Variants in SLC26A3 observed in about 807,000 individuals in gnomAD.
SLC26A3 encodes solute carrier family 26 member 3, also known as chloride anion exchanger.
A neutral mutation model predicts 85.6 loss-of-function variants in SLC26A3; 64 were observed. The observed-to-expected ratio is 0.75, with a 90% CI of 0.61 to 0.92. The LOEUF is 0.92. Among genes scored for constraint, SLC26A3 ranks in the 40% least tolerant of loss-of-function variants. The pLI, the probability that SLC26A3 is intolerant of heterozygous loss-of-function variation, is 0.00. For synonymous variants in SLC26A3, 349 were observed against 336.0 expected, an observed-to-expected ratio of 1.04 and a Z score of -0.42; for missense variants, 922 against 927.3, an observed-to-expected ratio of 0.99 and a Z score of 0.07.
chr7:107,782,612 CA>C (rs1196347373), intron 11 of SLC26A3, among the ~76,000 whole-genome samples, 184 bp downstream of exon 11: 2 of 152,168 alleles, frequency 1.3e-5, no homozygotes, highest in African/African-American at 4.8e-5. Flanking sequence ...GTGTTCCTAA[CA>C]TTCAGAACAT....
intron 1 of SLC26A3, among the ~76,000 whole-genome samples, chr7:107,802,018 G>C (rs568192991): frequency 2.3e-4 from 35 of 151,498 alleles, no homozygotes; most frequent in African/African-American, 8.5e-4. Context: ...CTTGAACCTG[G>C]GAGGCAGAGG....
intron 8 of SLC26A3, 62 bp from the exon 9 acceptor site, chr7:107,783,414 T>C: frequency 6.3e-7 from 1 of 1,584,498 alleles, no homozygotes; most frequent in South Asian, 1.1e-5. Flanking sequence ...ATATAACCAT[T>C]GGGCAAATCA....
At chr7:107,802,820 G>A (rs2115921012) in intron 1 of SLC26A3, among the ~76,000 whole-genome samples, 1 of 149,676 alleles carries the variant, frequency 6.7e-6, no homozygotes, top group African/African-American at 2.5e-5. Flanking sequence ...AGAATTAAAG[G>A]AATTATCTGA....
At chr7:107,781,846 A>G (rs1794220164) in intron 11 of SLC26A3, among the ~76,000 whole-genome samples, 1 of 152,128 alleles carries the variant, frequency 6.6e-6, no homozygotes, top group Admixed American at 6.6e-5. Context: ...TCATATCTCT[A>G]TGTCTTTTAT....
chr7:107,793,387 A>G (rs1304634377), intron 3 of SLC26A3, among the ~76,000 whole-genome samples: 1 of 152,270 alleles, frequency 6.6e-6, no homozygotes, highest in South Asian at 2.1e-4. Context: ...TGATATGTCC[A>G]TACAACAGAA....
chr7:107,791,282 C>CACAT (rs765793558), intron 4 of SLC26A3, 47 bp from the exon 5 acceptor site: 1 of 1,564,066 alleles, frequency 6.4e-7, no homozygotes, highest in South Asian at 1.1e-5. Context: ...CTCTCTAAAG[C>CACAT]ACATTGTCTT....
At chr7:107,783,440 C>G in intron 8 of SLC26A3, 88 bp from the exon 9 acceptor site, 1 of 1,464,774 alleles carries the variant, frequency 6.8e-7, no homozygotes, top group Non-Finnish European at 9.5e-7. Context: ...TGAATGCAAT[C>G]TAGGCTGAGT....
intron 3 of SLC26A3, among the ~76,000 whole-genome samples, chr7:107,792,259 T>C (rs1182903341): frequency 6.6e-6 from 1 of 152,072 alleles, no homozygotes; most frequent in African/African-American, 2.4e-5. Context: ...GAAGGGGAGA[T>C]GGTTTTGGGA....
In SLC26A3 at chr7:107,794,520, C is replaced by G; in HGVS notation, c.-11G>C. 6.2e-7 allele frequency: 1 copy of G among 1,613,886 alleles called. No individual in the cohort carries two copies. On this transcript the variant is annotated 5_prime_UTR_variant, in exon 2 of 21. Transcript: ENST00000340010. ...AAAGGGTTCAATCATTTTGATTTTTCTGTTGGCTGTGGCAAGTTGAAGACC... is the reference window on the plus strand; with the variant it reads ...AAAGGGTTCAATCATTTTGATTTTTGTGTTGGCTGTGGCAAGTTGAAGACC...
intron 11 of SLC26A3, among the ~76,000 whole-genome samples, chr7:107,780,867 T>TA (rs1794205544): frequency 6.6e-6 from 1 of 152,190 alleles, no homozygotes; most frequent in South Asian, 2.1e-4. Flanking sequence ...CATACTATAC[T>TA]AATGTATAGT....
At chr7:107,787,052 C>A in intron 7 of SLC26A3, 143 bp from the exon 8 acceptor site, 1 of 798,298 alleles carries the variant, frequency 1.3e-6, no homozygotes, top group Non-Finnish European at 2.1e-6. Flanking sequence ...TTAAGAAATT[C>A]GGAGGCAATT....
At chr7:107,784,463 T>C (rs1249496112) in intron 8 of SLC26A3, among the ~76,000 whole-genome samples, 1 of 152,164 alleles carries the variant, frequency 6.6e-6, no homozygotes, top group Admixed American at 6.5e-5. Flanking sequence ...CTCTGTTTTT[T>C]TGAGATGGGG....
chr7:107,782,826 T>C lies in SLC26A3; in HGVS notation c.1282A>G (p.Ile428Val). 1 of 1,614,132 alleles carries C rather than the reference T, an allele frequency of 6.2e-7. No individual in the cohort carries two copies. Among genetic ancestry groups the C allele is most frequent in the Non-Finnish European group, 8.5e-7 (1 of 1,179,982 alleles). ...AIIVLIVVLA[I>V]GFLLAPLQKS... ...TGTAGAGGCGCCAGGAGAAATCCAATGGCTAGAACGACAATCAGCACGATG... is the reference window on the plus strand; with the variant it reads ...TGTAGAGGCGCCAGGAGAAATCCAACGGCTAGAACGACAATCAGCACGATG... The change falls in exon 11 of 21, where the codon ATT (isoleucine) becomes GTT (valine). Residue 428 changes from isoleucine to valine, a missense_variant. Physicochemically the swap from Ile to Val is conservative, Grantham distance 29 (BLOSUM62 3). Coordinates refer to ENST00000340010, the MANE Select transcript of SLC26A3 (RefSeq NM_000111.3).
At chr7:107,791,769 G>A in intron 4 of SLC26A3, 61 bp downstream of exon 4, 1 of 1,055,812 alleles carries the variant, frequency 9.5e-7, no homozygotes, top group Non-Finnish European at 1.5e-6. Context: ...AGAAGGTATG[G>A]CTAATAAAAT....
In SLC26A3 at chr7:107,774,655, T is replaced by G. The variant is rs1794081232; in HGVS notation, c.1773+122A>C. ...AGGATGTCATTTTAAAATATAACAC[T>G]CATTGACACATGAAATCCCTTGTTT... On this transcript the variant is annotated intron_variant, in intron 16 of 20. Transcript: ENST00000340010. The G allele has an allele frequency of 3.8e-6, 3 of 783,748 alleles. No homozygotes were observed. The African/African-American group carries it at 5.1e-5, about 13-fold the overall frequency. 48.5% of individuals were successfully genotyped at this position (783,748 alleles called of 1,614,324 possible).
chr7:107,791,847 G>T lies in SLC26A3; in HGVS notation c.365C>A (p.Ser122Tyr). 6.2e-7 allele frequency: 1 copy of T among 1,610,426 alleles called. No individual in the cohort carries two copies. Among genetic ancestry groups the T allele is most frequent in the Non-Finnish European group, 8.5e-7 (1 of 1,176,720 alleles). ...TGACTTACCCACGGATATGTGTCTG[G>T]AAGTGCCGAAGAAAAGGTAGATTAT... The part of the protein sequence containing the change: ...PAIIYLFFGT[S>Y]RHISVGPFPI... Residue 122 changes from serine (S) to tyrosine (Y), a missense_variant, in exon 4 of 21, where the codon TCC (serine) becomes TAC (tyrosine). Transcript: ENST00000340010.
In SLC26A3 at chr7:107,799,740, G is replaced by C. The variant is rs965687180; in HGVS notation, c.-89+3371C>G. On this transcript the variant is annotated intron_variant, in intron 1 of 20. Transcript: ENST00000340010. ...AGGAGACCATTATTTTCCTTCTAGG[G>C]CTGTTCTTAAAACTGAAAGCAGGGT... Among the ~76,000 whole-genome samples, 3 of 152,102 alleles carry C rather than the reference G, an allele frequency of 2.0e-5. No individual in the cohort carries two copies. In the South Asian group the frequency reaches 6.2e-4, roughly 32 times the overall value.
In SLC26A3 at chr7:107,787,340, T is replaced by G. The variant is rs1794314530; in HGVS notation, c.888+17A>C. 1.2e-6 allele frequency: 2 copies of G among 1,613,676 alleles called. No individual in the cohort carries two copies. The highest frequency in any genetic ancestry group is 1.3e-5 in the African/African-American group (1 of 75,052). ...ACAGTAGAGTAGCTATGACAGAGTC[T>G]GAAAATGATCAATTACCATAATGAA... On this transcript the variant is annotated intron_variant, in intron 7 of 20. Transcript: ENST00000340010.
chr7:107,802,138 A>T (rs1013633264), intron 1 of SLC26A3, among the ~76,000 whole-genome samples: 1 of 151,712 alleles, frequency 6.6e-6, no homozygotes, highest in African/African-American at 2.4e-5. Flanking sequence ...GTCAAATTTC[A>T]TGACACAGTT....
Sources: gnomAD v4.1 joint callset for allele counts (sites outside exome capture counted in the v4.1 genomes callset) on GRCh38, gnomAD v4.1.1 for gene constraint, MANE v1.5 for transcripts, NCBI Gene and HGNC (gene_info 2026-07-23, HGNC 2026-07-21) for gene names.